The following OR51B5 variants were observed in gnomAD, a reference collection of about 807,000 sequenced individuals.
OR51B5 encodes the protein olfactory receptor 51B5.
For missense variants in OR51B5, 456 were observed against 374.6 expected (o/e 1.22, Z -1.79); for synonymous variants, 186 against 144.8 (o/e 1.28, Z -2.04).
intron 1 of OR51B5, among the ~76,000 whole-genome samples, chr11:5,372,524 C>A (rs545053607): frequency 6.6e-6 from 1 of 152,164 alleles, no homozygotes; most frequent in Admixed American, 6.5e-5. Context: ...TGATGTAGTG[C>A]ACCTTTTCAT....
At chr11:5,490,892 T>A (rs1475474290) in intron 1 of OR51B5, among the ~76,000 whole-genome samples, 2 of 152,224 alleles carry the variant, frequency 1.3e-5, no homozygotes. Context: ...TGGCAGTTGG[T>A]AGTATTCAGC....
chr11:5,397,360 GA>G (rs1248025332), intron 1 of OR51B5, among the ~76,000 whole-genome samples: 14 of 148,630 alleles, frequency 9.4e-5, no homozygotes, highest in South Asian at 2.1e-4. Flanking sequence ...ATTTACAAGA[GA>G]AAAAAAACCC....
chr11:5,343,594 G>T, upstream of OR51B5: 3 of 604,576 alleles, frequency 5.0e-6, no homozygotes, highest in South Asian at 4.4e-5. Context: ...TACCTTCAAG[G>T]TATCACTTCG....
chr11:5,505,566 T>G (rs1440561877), intron 1 of OR51B5: 1 of 1,024,938 alleles, frequency 9.8e-7, no homozygotes, highest in African/African-American at 1.7e-5. Context: ...TTACCGGACT[T>G]ACAGTTCCAC....
At chr11:5,415,904 G>A (rs948160504) in intron 1 of OR51B5, among the ~76,000 whole-genome samples, 11 of 148,594 alleles carry the variant, frequency 7.4e-5, no homozygotes, top group African/African-American at 2.7e-4. Flanking sequence ...GAAAAAGAGG[G>A]AATCCTCCCT....
intron 1 of OR51B5, among the ~76,000 whole-genome samples, chr11:5,426,738 T>TC: frequency 6.6e-6 from 1 of 152,316 alleles, no homozygotes; most frequent in Middle Eastern, 3.4e-3. Flanking sequence ...AAGGTCTCTC[T>TC]CTGTCTCCCT....
intron 1 of OR51B5, among the ~76,000 whole-genome samples, chr11:5,504,205 AAAAGAAATAAC>A (rs1170716439): frequency 2.0e-5 from 3 of 152,202 alleles, no homozygotes; most frequent in Non-Finnish European, 4.4e-5. Flanking sequence ...TTAAAGAAAA[AAAAGAAATAAC>A]ACTGATGCTT....
At chr11:5,483,444 A>T (rs1851455086) in intron 1 of OR51B5, among the ~76,000 whole-genome samples, 1 of 147,506 alleles carries the variant, frequency 6.8e-6, no homozygotes, top group African/African-American at 2.5e-5. Context: ...CCAGCATGGC[A>T]CATGTATACA....
intron 1 of OR51B5, among the ~76,000 whole-genome samples, chr11:5,445,641 A>C (rs1850749233): frequency 6.6e-6 from 1 of 151,818 alleles, no homozygotes; most frequent in Middle Eastern, 3.4e-3. Context: ...TGTACCTCCA[A>C]GCCCTATCTA....
chr11:5,342,677 G>A lies in OR51B5; in HGVS notation c.848C>T (p.Pro283Leu), dbSNP rs531142715. 25 of 1,613,978 alleles carry A rather than the reference G, an allele frequency of 1.5e-5. 2 individuals carry two copies. The South Asian group carries it at 1.9e-4, about 12-fold the overall frequency. ...ACTATATGTTATAGGATTCATTAGT[G>A]GAGGGAACAGAAAATAGGCATAGCT... is the stretch of plus-strand genomic sequence containing the variant. The change falls in exon 1 of 1, where the codon CCA becomes CTA. Residue 283 changes from proline (P) to leucine (L), a missense_variant. Transcript: ENST00000300773.
intron 1 of OR51B5, among the ~76,000 whole-genome samples, chr11:5,364,896 G>A (rs1394041502): frequency 6.6e-6 from 1 of 152,154 alleles, no homozygotes; most frequent in Non-Finnish European, 1.5e-5. Flanking sequence ...AATGATTTTA[G>A]TAAATAATTT....
chr11:5,429,684 G>C, intron 1 of OR51B5, among the ~76,000 whole-genome samples: 1 of 152,128 alleles, frequency 6.6e-6, no homozygotes, highest in South Asian at 2.1e-4. Flanking sequence ...GGAAGGGGCA[G>C]GATGGGGAAC....
chr11:5,390,576 C>T, intron 1 of OR51B5: 1 of 536,070 alleles, frequency 1.9e-6, no homozygotes, highest in Non-Finnish European at 3.2e-6. Context: ...GCTCCTCCTA[C>T]AGCTGAGAAC....
chr11:5,344,758 TAAGAC>T (rs2133680439), upstream of OR51B5, among the ~76,000 whole-genome samples: 1 of 152,300 alleles, frequency 6.6e-6, no homozygotes, highest in South Asian at 2.1e-4. Context: ...TAAATGGTAA[TAAGAC>T]AAAGTCCCTA....
At chr11:5,497,313 G>A (rs1021706227) in intron 1 of OR51B5, among the ~76,000 whole-genome samples, 1 of 152,180 alleles carries the variant, frequency 6.6e-6, no homozygotes, top group Non-Finnish European at 1.5e-5. Context: ...TCCAGAGGCT[G>A]AGGCAGGAGA....
At chr11:5,466,382 T>A (rs1851139085) in intron 1 of OR51B5, among the ~76,000 whole-genome samples, 3 of 152,370 alleles carry the variant, frequency 2.0e-5, no homozygotes, top group African/African-American at 7.2e-5. Flanking sequence ...CCCATTCATA[T>A]GCCTTATTAT....
intron 1 of OR51B5, chr11:5,391,624 C>G (rs1420088662): frequency 6.6e-6 from 1 of 152,148 alleles, no homozygotes; most frequent in African/African-American, 2.4e-5. Context: ...ATTCAGAAGC[C>G]CAAGAAGACA....
chr11:5,464,210 GA>G (rs1350502579), intron 1 of OR51B5, among the ~76,000 whole-genome samples: 2 of 152,128 alleles, frequency 1.3e-5, no homozygotes, highest in African/African-American at 4.8e-5. Context: ...TTCTATATTT[GA>G]AAAAGCAAAT....
At chr11:5,424,637 G>A (rs1850414643) in intron 1 of OR51B5, among the ~76,000 whole-genome samples, 1 of 151,912 alleles carries the variant, frequency 6.6e-6, no homozygotes, top group Admixed American at 6.6e-5. Context: ...TTGAAGGCAG[G>A]GTTTCACTGG....
Sources: gnomAD v4.1 joint callset for allele counts (sites outside exome capture counted in the v4.1 genomes callset) on GRCh38, gnomAD v4.1.1 for gene constraint, MANE v1.5 for transcripts, NCBI Gene and HGNC (gene_info 2026-07-23, HGNC 2026-07-21) for gene names.